Variants in NIM1K observed in about 807,000 individuals in gnomAD.
NIM1K encodes serine/threonine-protein kinase NIM1.
NIM1K carries 35 observed loss-of-function variants against 37.1 expected under a neutral mutation model. The observed-to-expected ratio is 0.94, with a 90% CI of 0.72 to 1.25. NIM1K has a LOEUF of 1.25. NIM1K is among the 50% of genes most tolerant of loss of function. NIM1K has a pLI of 0.00. For synonymous variants in NIM1K, 234 were observed against 206.6 expected (o/e 1.13, Z -1.14); for missense variants, 564 against 548.0 (o/e 1.03, Z -0.29).
At chr5:43,267,766 T>A (rs1327271558) in intron 2 of NIM1K, among the ~76,000 whole-genome samples, 3 of 152,234 alleles carry the variant, frequency 2.0e-5, no homozygotes, top group Non-Finnish European at 2.9e-5. Flanking sequence ...TTTTGAGAAT[T>A]CCTTTTGGAG....
intron 2 of NIM1K, among the ~76,000 whole-genome samples, chr5:43,270,866 C>G (rs1236552849): frequency 2.0e-5 from 3 of 152,304 alleles, no homozygotes; most frequent in Non-Finnish European, 4.4e-5. Flanking sequence ...CACCAGCCTC[C>G]CAGTTGCTCA....
intron 2 of NIM1K, among the ~76,000 whole-genome samples, chr5:43,256,282 G>A (rs1752945723): frequency 6.6e-6 from 1 of 152,316 alleles, no homozygotes; most frequent in East Asian, 1.9e-4. Flanking sequence ...AAGGTGGTTT[G>A]GACTAGGAAG....
intron 1 of NIM1K, among the ~76,000 whole-genome samples, chr5:43,205,507 C>T (rs35837951): frequency 6.6e-6 from 1 of 152,062 alleles, no homozygotes; most frequent in Admixed American, 6.6e-5. Context: ...AATCTCAGCA[C>T]TTTGTGAAGC....
chr5:43,213,246 CTTTCTTGTTCTTTCTTG>C (rs1752241903), intron 1 of NIM1K, among the ~76,000 whole-genome samples: 24 of 122,546 alleles, frequency 2.0e-4, no homozygotes, highest in South Asian at 1.3e-3. Context: ...TCCTTTCTTT[CTTTCTTGTTCTTTCTTG>C]TTTCTTTTTC....
rs150060621 is a variant in NIM1K, at chr5:43,245,930, C to G, written c.155C>G (p.Thr52Arg). Residue 52 changes from threonine to arginine, a missense_variant, in exon 2 of 4, where the codon ACA (threonine) becomes AGA (arginine). Coordinates refer to ENST00000326035, the MANE Select transcript of NIM1K (RefSeq NM_153361.4). ...PRQLTPFEKLTQDMSQDEKVV... is the reference protein window; with the variant it reads ...PRQLTPFEKLRQDMSQDEKVV... ...CAGCTGACGCCCTTCGAGAAACTGA[C>G]ACAGGACATGTCCCAGGATGAGAAG... The G allele has an allele frequency of 1.9e-6, 3 of 1,614,114 alleles. No individual in the cohort carries two copies. The highest frequency in any genetic ancestry group is 2.5e-6 in the Non-Finnish European group (3 of 1,180,012).
chr5:43,245,820 C>T lies in NIM1K; in HGVS notation c.45C>T (p.His15=), dbSNP rs13176855. 635,130 of 1,611,996 alleles carry T rather than the reference C, an allele frequency of 0.39. 129,310 individuals carry two copies. The highest frequency in any genetic ancestry group is 0.42 in the Non-Finnish European group (494,896 of 1,178,732). The part of the protein sequence containing the change: ...YMNGGGLVNP[H]YARWDRRDSV... ...ATGGAGGTGGCCTGGTGAACCCCCA[C>T]TATGCCCGGTGGGATCGGCGCGACA... Residue 15 remains histidine (H), a synonymous_variant, in exon 2 of 4, where the codon CAC becomes CAT. Transcript: ENST00000326035.
chr5:43,270,652 A>T (rs1002353213), intron 2 of NIM1K, among the ~76,000 whole-genome samples: 1 of 152,240 alleles, frequency 6.6e-6, no homozygotes, highest in Non-Finnish European at 1.5e-5. Flanking sequence ...TAAAGGGCCA[A>T]CTGAAGTTAG....
In NIM1K at chr5:43,208,778, A is replaced by C. The variant is rs1044244447; in HGVS notation, c.-695+16367A>C. Among the ~76,000 whole-genome samples, 12 of 152,338 alleles carry C rather than the reference A, an allele frequency of 7.9e-5. 1 individual carries two copies. The highest frequency in any genetic ancestry group is 3.3e-4 in the Admixed American group (5 of 15,290). On this transcript the variant is annotated intron_variant, in intron 1 of 3. Coordinates refer to ENST00000326035, the MANE Select transcript of NIM1K (RefSeq NM_153361.4). ...GAACTTTCCTTGAGGCTGGATATTT[A>C]ACTGCAAGTCTTTGATCTTTGGGGG...
At chr5:43,212,085 G>A (rs997279087) in intron 1 of NIM1K, among the ~76,000 whole-genome samples, 1 of 151,984 alleles carries the variant, frequency 6.6e-6, no homozygotes, top group Non-Finnish European at 1.5e-5. Context: ...TTTTATTTCC[G>A]CCTCTCTTGG....
At chr5:43,250,410 A>G (rs537610549) in intron 2 of NIM1K, among the ~76,000 whole-genome samples, 1 of 152,338 alleles carries the variant, frequency 6.6e-6, no homozygotes, top group African/African-American at 2.4e-5. Flanking sequence ...TTATAATGCT[A>G]CAGAGATTAT....
intron 1 of NIM1K, among the ~76,000 whole-genome samples, chr5:43,238,949 A>G (rs1752658358): frequency 1.0e-5 from 1 of 98,030 alleles, no homozygotes; most frequent in Admixed American, 1.6e-4. Flanking sequence ...TGAGGAGGGA[A>G]AGGCTGGCGG....
Position 43,245,702 on chromosome 5 carries a change from C to G in NIM1K, c.-74C>G. ...ACCTGCTGTCCTCAGTTGGCATCTC[C>G]CACCCTCTGAGCCTCTTCTGCTCCT... On this transcript the variant is annotated 5_prime_UTR_variant, in exon 2 of 4. Transcript: ENST00000326035. 1 of 1,427,652 alleles carries G rather than the reference C, an allele frequency of 7.0e-7. No individual in the cohort carries two copies. Among genetic ancestry groups the G allele is most frequent in the Non-Finnish European group, 9.5e-7 (1 of 1,057,456 alleles). The allele number at this position is 1,427,652 out of a possible 1,614,324, so 88.4% of individuals were successfully genotyped here.
chr5:43,196,079 AC>A (rs1751909500), intron 1 of NIM1K, among the ~76,000 whole-genome samples: 1 of 152,094 alleles, frequency 6.6e-6, no homozygotes, highest in South Asian at 2.1e-4. Context: ...ACTCCCTGCC[AC>A]CCATCCAAGT....
At chr5:43,198,201 TTCTTTCTCTTTCTTTCTTTCTTTCTTTC>T (rs1300922746) in intron 1 of NIM1K, among the ~76,000 whole-genome samples, 1,288 of 54,846 alleles carry the variant, frequency 0.023, 32 homozygotes, top group South Asian at 0.056. Context: ...CTTTCTTTCT[TTCTTTCTCTTTCTTTCTTTCTTTCTTTC>T]TTTCTTTCTT....
chr5:43,238,781 A>G (rs1318583976), intron 1 of NIM1K, among the ~76,000 whole-genome samples: 1 of 151,666 alleles, frequency 6.6e-6, no homozygotes, highest in Non-Finnish European at 1.5e-5. Flanking sequence ...GGAGTAGCCA[A>G]CCTCGAGGTT....
chr5:43,274,717 G>A (rs1291296003), intron 2 of NIM1K, among the ~76,000 whole-genome samples: 2 of 152,180 alleles, frequency 1.3e-5, no homozygotes, highest in South Asian at 4.1e-4. Context: ...TGCCTCCTGC[G>A]AGGGGCGGGC....
At chr5:43,206,018 T>G (rs931017467) in intron 1 of NIM1K, among the ~76,000 whole-genome samples, 1 of 152,088 alleles carries the variant, frequency 6.6e-6, no homozygotes, top group African/African-American at 2.4e-5. Context: ...GGCCTGCTTG[T>G]TTTTACTACT....
At chr5:43,267,994 G>T (rs1313315261) in intron 2 of NIM1K, among the ~76,000 whole-genome samples, 2 of 152,126 alleles carry the variant, frequency 1.3e-5, no homozygotes, top group East Asian at 3.9e-4. Flanking sequence ...TTAAGTCATT[G>T]TTTCTTTGTT....
chr5:43,271,634 TTAA>T (rs1331668703), intron 2 of NIM1K, among the ~76,000 whole-genome samples: 1 of 152,226 alleles, frequency 6.6e-6, no homozygotes. Context: ...AACCTTGATA[TTAA>T]TATTGATCTA....
Sources: gnomAD v4.1 joint callset for allele counts (sites outside exome capture counted in the v4.1 genomes callset) on GRCh38, gnomAD v4.1.1 for gene constraint, MANE v1.5 for transcripts, NCBI Gene and HGNC (gene_info 2026-07-23, HGNC 2026-07-21) for gene names.